PTPRK: variants seen among roughly 807,000 people sequenced by gnomAD.
PTPRK encodes the protein protein tyrosine phosphatase receptor type K.
Under a neutral mutation model 178.0 loss-of-function variants are expected in PTPRK, and 75 were observed. The ratio of observed to expected loss-of-function variants is 0.42; its 90% confidence interval spans 0.35 to 0.51. PTPRK has a LOEUF of 0.51. Ranked by LOEUF, PTPRK falls within the 20% of genes least tolerant of loss-of-function variation. The probability of loss-of-function intolerance (pLI) is 0.02; values close to 1 mark genes in which losing one functional copy is unlikely to be tolerated. For missense variants in PTPRK, 1,441 were observed against 1,797.8 expected (o/e 0.80, Z 3.59); for synonymous variants, 637 against 620.6 (o/e 1.03, Z -0.39).
chr6:128,261,458 A>G lies in PTPRK; in HGVS notation c.496-18856T>C, dbSNP rs1188207032. ...AGGTATATTTTATTATAATTTCTTT[A>G]TGAAATCCATTGTCTCCAAACTTGA... On this transcript the variant is annotated intron_variant, in intron 3 of 29. Transcript: ENST00000368226. 2.0e-5 allele frequency among the ~76,000 whole-genome samples: 3 copies of G among 152,290 alleles called. No homozygotes were observed. The East Asian group carries it at 5.8e-4, about 29-fold the overall frequency.
intron 7 of PTPRK, among the ~76,000 whole-genome samples, chr6:128,139,687 C>T (rs1319013837): frequency 3.3e-5 from 5 of 151,968 alleles, no homozygotes; most frequent in Admixed American, 1.3e-4. Context: ...CCAGGTTGCC[C>T]TTCATTGCCA....
chr6:128,029,517 G>A (rs1774911169), intron 13 of PTPRK, among the ~76,000 whole-genome samples: 7 of 151,840 alleles, frequency 4.6e-5, no homozygotes, highest in Admixed American at 4.6e-4. Flanking sequence ...TGGACAGGGT[G>A]GCGGGCACCT....
intron 21 of PTPRK, among the ~76,000 whole-genome samples, chr6:127,986,455 G>A (rs1295009283): frequency 6.6e-5 from 10 of 152,244 alleles, no homozygotes; most frequent in Middle Eastern, 3.4e-3. Flanking sequence ...ATAATTCAGC[G>A]CAGTATTATT....
intron 13 of PTPRK, among the ~76,000 whole-genome samples, chr6:128,015,873 A>T (rs969926635): frequency 1.3e-5 from 2 of 151,822 alleles, no homozygotes; most frequent in African/African-American, 2.4e-5. Flanking sequence ...CCAGCAGCGT[A>T]TGCCAACCCC....
At chr6:128,160,906 C>T (rs1406601922) in intron 7 of PTPRK, among the ~76,000 whole-genome samples, 1 of 151,370 alleles carries the variant, frequency 6.6e-6, no homozygotes, top group African/African-American at 2.4e-5. Context: ...TGACCAAATT[C>T]AAGAATAAGA....
chr6:128,380,118 T>C (rs1478976539), intron 2 of PTPRK, among the ~76,000 whole-genome samples: 1 of 151,822 alleles, frequency 6.6e-6, no homozygotes, highest in Non-Finnish European at 1.5e-5. Context: ...CTCAATAGTA[T>C]AGCAAAAGGG....
intron 3 of PTPRK, among the ~76,000 whole-genome samples, chr6:128,314,895 T>C (rs1418110948): frequency 1.3e-5 from 2 of 151,436 alleles, no homozygotes; most frequent in South Asian, 2.1e-4. Context: ...CATGTCACAA[T>C]GTCTAATATA....
intron 7 of PTPRK, among the ~76,000 whole-genome samples, chr6:128,127,220 T>C (rs1243321995): frequency 2.0e-5 from 3 of 152,330 alleles, no homozygotes; most frequent in Admixed American, 2.0e-4. Flanking sequence ...TGGTTAACTG[T>C]AGTACTCCAA....
chr6:128,145,341 G>A (rs1165683640), intron 7 of PTPRK, among the ~76,000 whole-genome samples: 1 of 152,002 alleles, frequency 6.6e-6, no homozygotes, highest in Admixed American at 6.6e-5. Context: ...GAGATTTATG[G>A]TATAGATTGT....
chr6:128,301,426 T>C (rs188286085), intron 3 of PTPRK, among the ~76,000 whole-genome samples: 319 of 152,242 alleles, frequency 2.1e-3, no homozygotes, highest in African/African-American at 6.9e-3. Context: ...TGGTAAATTT[T>C]GCATTGTACT....
At chr6:128,195,623 A>G (rs1804732700) in intron 6 of PTPRK, among the ~76,000 whole-genome samples, 1 of 152,164 alleles carries the variant, frequency 6.6e-6, no homozygotes, top group Admixed American at 6.5e-5. Flanking sequence ...TTTTTACGAA[A>G]AAGGAATTGT....
chr6:128,039,644 T>C (rs1352483465), intron 13 of PTPRK, among the ~76,000 whole-genome samples: 1 of 152,164 alleles, frequency 6.6e-6, no homozygotes, highest in African/African-American at 2.4e-5. Flanking sequence ...AAATGAAAAG[T>C]GAAGCAACTT....
intron 7 of PTPRK, among the ~76,000 whole-genome samples, chr6:128,126,952 G>C (rs1412559444): frequency 1.3e-5 from 2 of 150,370 alleles, no homozygotes; most frequent in African/African-American, 4.9e-5. Context: ...TTAGCAACTG[G>C]TACTTTCATT....
At chr6:128,391,141 T>C (rs1839500150) in intron 2 of PTPRK, among the ~76,000 whole-genome samples, 1 of 152,114 alleles carries the variant, frequency 6.6e-6, no homozygotes, top group Non-Finnish European at 1.5e-5. Context: ...AAGAATTCTA[T>C]TACTTAAAAA....
At chr6:128,024,916 T>C (rs899852912) in intron 13 of PTPRK, among the ~76,000 whole-genome samples, 3 of 152,194 alleles carry the variant, frequency 2.0e-5, no homozygotes, top group African/African-American at 4.8e-5. Flanking sequence ...TTCAGCAATA[T>C]AGTTTTGCAA....
intron 1 of PTPRK, among the ~76,000 whole-genome samples, chr6:128,422,228 T>C (rs557094555): frequency 2.0e-5 from 3 of 152,328 alleles, no homozygotes; most frequent in South Asian, 2.1e-4. Flanking sequence ...CATGCATGGG[T>C]ATATGTAAAT....
intron 2 of PTPRK, among the ~76,000 whole-genome samples, chr6:128,372,905 T>A (rs150507058): frequency 5.3e-4 from 81 of 151,980 alleles, no homozygotes; most frequent in African/African-American, 1.9e-3. Flanking sequence ...TGAACAGAAC[T>A]GAGTACTCTG....
chr6:128,477,380 G>GA (rs1242685949), intron 1 of PTPRK, among the ~76,000 whole-genome samples: 2 of 151,636 alleles, frequency 1.3e-5, no homozygotes, highest in South Asian at 2.1e-4. Flanking sequence ...AAGAGATCTT[G>GA]AAAAAAGGTA....
intron 1 of PTPRK, among the ~76,000 whole-genome samples, chr6:128,447,952 G>A (rs1171157681): frequency 6.6e-6 from 1 of 152,102 alleles, no homozygotes; most frequent in East Asian, 1.9e-4. Flanking sequence ...AACGCCTGTA[G>A]CACAAAAGCA....
Sources: gnomAD v4.1 joint callset for allele counts (sites outside exome capture counted in the v4.1 genomes callset) on GRCh38, gnomAD v4.1.1 for gene constraint, MANE v1.5 for transcripts, NCBI Gene and HGNC (gene_info 2026-07-23, HGNC 2026-07-21) for gene names.